The following BECN1 variants were observed in gnomAD, a reference collection of about 807,000 sequenced individuals.
BECN1 encodes the protein beclin 1.
A neutral mutation model predicts 60.1 loss-of-function variants in BECN1; 15 were observed. The observed-to-expected ratio is 0.25, with a 90% CI of 0.17 to 0.38. The LOEUF (loss-of-function observed/expected upper bound fraction) is 0.38. BECN1 is among the 10% of genes least tolerant of loss of function. The pLI, the probability that BECN1 is intolerant of heterozygous loss-of-function variation, is 1.00. For synonymous variants in BECN1, 179 were observed against 201.8 expected (o/e 0.89, Z 0.96); for missense variants, 424 against 548.2 (o/e 0.77, Z 2.26).
In BECN1 at chr17:42,814,689, G is replaced by A. The variant is rs1319062978; in HGVS notation, c.831-16C>T. 1 of 1,613,842 alleles carries A rather than the reference G, an allele frequency of 6.2e-7. No homozygotes were observed. The highest frequency in any genetic ancestry group is 1.3e-5 in the African/African-American group (1 of 75,042). ...TCCACTGTGCCTACAGAGGAAGGCA[G>A]AAAGGTGGGGGGAAATACAGGGATT... On this transcript the variant is annotated splice_polypyrimidine_tract_variant and intron_variant, in intron 8 of 11. Coordinates refer to ENST00000590099, the MANE Select transcript of BECN1 (RefSeq NM_001313998.2).
chr17:42,821,088 T>C (rs2055254569), intron 2 of BECN1, among the ~76,000 whole-genome samples: 1 of 152,102 alleles, frequency 6.6e-6, no homozygotes, highest in South Asian at 2.1e-4. Flanking sequence ...TAAGATGGAG[T>C]CTTGCTCTGT....
chr17:42,822,389 A>C (rs1032628619), intron 2 of BECN1, among the ~76,000 whole-genome samples: 2 of 152,190 alleles, frequency 1.3e-5, no homozygotes, highest in African/African-American at 4.8e-5. Flanking sequence ...TCAGAAACCA[A>C]GGCTTGGAGA....
chr17:42,814,169 T>G (rs1387479074), intron 9 of BECN1, 161 bp from the exon 10 acceptor site: 4 of 555,108 alleles, frequency 7.2e-6, no homozygotes, highest in Non-Finnish European at 1.3e-5. Context: ...TTTAAAAGAT[T>G]TTGTTTAATG....
chr17:42,819,384 T>C, intron 4 of BECN1, 164 bp downstream of exon 4: 1 of 667,480 alleles, frequency 1.5e-6, no homozygotes, highest in Admixed American at 3.2e-5. Flanking sequence ...AAATCCATAC[T>C]GGAAGGTGAC....
Position 42,811,650 on chromosome 17 carries a change from C to T in BECN1, c.1184+5G>A. The T allele has an allele frequency of 1.2e-6, 2 of 1,613,420 alleles. No individual in the cohort carries two copies. Among genetic ancestry groups the T allele is most frequent in the Non-Finnish European group, 1.7e-6 (2 of 1,179,670 alleles). The stretch of plus-strand genomic sequence containing the variant: ...CAAGTTCACTCAGCATTGCGCTATA[C>T]TGACCTGTAGGGAAGACAAAAACGT... On this transcript the variant is annotated splice_donor_5th_base_variant and intron_variant, in intron 11 of 11. Transcript: ENST00000590099.
intron 7 of BECN1, among the ~76,000 whole-genome samples, chr17:42,817,481 G>C (rs1174663981): frequency 1.3e-5 from 2 of 152,074 alleles, no homozygotes; most frequent in Non-Finnish European, 2.9e-5. Context: ...CACAACTTCA[G>C]TTAGTATGGA....
intron 3 of BECN1, 159 bp downstream of exon 3, chr17:42,820,615 T>G (rs766000682): frequency 1.6e-6 from 1 of 638,158 alleles, no homozygotes; most frequent in Non-Finnish European, 2.8e-6. Flanking sequence ...AGCCTGATCA[T>G]GTAGAATGTC....
intron 10 of BECN1, chr17:42,812,737 T>A (rs1489236670): frequency 1.5e-5 from 2 of 134,040 alleles, no homozygotes; most frequent in Non-Finnish European, 3.2e-5. Flanking sequence ...AATAAATAAA[T>A]AAAAATAATA....
In BECN1 at chr17:42,810,891, C is replaced by G. The variant is rs756848360; in HGVS notation, c.1222G>C (p.Gly408Arg). ...TTGATGGAATAGGAGCCGCCACTGCCTCCTGTGTCTTCAATCTTGCCTTTC... is the reference window on the plus strand; with the variant it reads ...TTGATGGAATAGGAGCCGCCACTGCGTCCTGTGTCTTCAATCTTGCCTTTC... ...VEKGKIEDTG[G>R]SGGSYSIKTQ... Residue 408 changes from glycine (G) to arginine (R), a missense_variant, in exon 12 of 12, where the codon GGC becomes CGC. Physicochemically the swap from Gly to Arg is moderately radical, Grantham distance 125 (BLOSUM62 -2). Transcript: ENST00000590099. 6.2e-7 allele frequency: 1 copy of G among 1,612,214 alleles called. No homozygotes were observed. The highest frequency in any genetic ancestry group is 8.5e-7 in the Non-Finnish European group (1 of 1,179,242).
intron 2 of BECN1, among the ~76,000 whole-genome samples, chr17:42,821,224 T>A (rs1463961934): frequency 6.6e-6 from 1 of 152,138 alleles, no homozygotes; most frequent in African/African-American, 2.4e-5. Context: ...CATGCCCAGC[T>A]AATTTTTTTG....
chr17:42,823,718 G>C, intron 2 of BECN1, 30 bp downstream of exon 2: 4 of 1,607,948 alleles, frequency 2.5e-6, no homozygotes, highest in Non-Finnish European at 3.4e-6. Flanking sequence ...CCACATTCTT[G>C]ACCACCCTCT....
intron 3 of BECN1, among the ~76,000 whole-genome samples, chr17:42,819,991 A>G (rs190978583): frequency 3.3e-5 from 5 of 152,348 alleles, no homozygotes; most frequent in African/African-American, 1.2e-4. Flanking sequence ...TACAAAGTAG[A>G]AAATTTATAT....
At chr17:42,819,318 A>C in intron 4 of BECN1, 1 of 515,504 alleles carries the variant, frequency 1.9e-6, no homozygotes, top group Non-Finnish European at 3.4e-6. Flanking sequence ...AATTTTTTTC[A>C]ATACTTCATC....
At position 42,811,765 on chromosome 17, in the gene BECN1, C is replaced by T; in HGVS notation, c.1074G>A (p.Arg358=). The change falls in exon 11 of 12, where the codon CGG becomes CGA. Residue 358 remains arginine, a synonymous_variant. Transcript: ENST00000590099. ...GGTCAAACTTGTTGTCCCAGAAAAACCGCAACCCCCCAGAACAGTATAACG... is the reference window on the plus strand; with the variant it reads ...GGTCAAACTTGTTGTCCCAGAAAAATCGCAACCCCCCAGAACAGTATAACG... The part of the protein sequence containing the change: ...ELPLYCSGGL[R]FFWDNKFDHA... The T allele has an allele frequency of 6.2e-7, 1 of 1,614,138 alleles. No homozygotes were observed. The highest frequency in any genetic ancestry group is 8.5e-7 in the Non-Finnish European group (1 of 1,180,020).
rs1248692409 is a variant in BECN1, at chr17:42,819,534, G to A, written c.260+14C>T. On this transcript the variant is annotated intron_variant, in intron 4 of 11. Transcript: ENST00000590099. ...GCCTTTGGCAAGGAATGGGGGCTGAGAAGTAGTAGGCACCTGGCTGGGGGG... is the reference window on the plus strand; with the variant it reads ...GCCTTTGGCAAGGAATGGGGGCTGAAAAGTAGTAGGCACCTGGCTGGGGGG... 3.7e-6 allele frequency: 6 copies of A among 1,613,094 alleles called. No homozygotes were observed. In the East Asian group the frequency reaches 1.3e-4, roughly 36 times the overall value.
At chr17:42,815,849 G>C (rs140165459) in intron 8 of BECN1, 59 bp downstream of exon 8, 70 of 1,609,560 alleles carry the variant, frequency 4.3e-5, no homozygotes, top group Non-Finnish European at 5.9e-5. Context: ...CCCAGGCTTA[G>C]TGGTCAACAG....
At position 42,814,008 on chromosome 17, in the gene BECN1, T is replaced by C. The variant is rs1247454131; in HGVS notation, c.981A>G (p.Arg327=). The C allele has an allele frequency of 1.3e-6, 2 of 1,597,340 alleles. No individual in the cohort carries two copies. Among genetic ancestry groups the C allele is most frequent in the East Asian group, 2.2e-5 (1 of 44,622 alleles). ...LANKMGLKFQ[R]YRLVPYGNHS... is the part of the protein sequence containing the mutation. ...GGTTTCCGTAAGGAACAAGTCGGTA[T>C]CTAAAATAGAGATACAAACAGAGAT... Residue 327 remains arginine (R), a splice_region_variant and synonymous_variant, in exon 10 of 12, where the codon AGA becomes AGG. Transcript: ENST00000590099.
In BECN1 at chr17:42,818,573, G is replaced by A. The variant is rs111283520; in HGVS notation, c.459C>T (p.Asn153=). The A allele has an allele frequency of 6.6e-5, 106 of 1,614,042 alleles. 1 individual carries two copies. In the Admixed American group the frequency reaches 7.0e-4, roughly 11 times the overall value. Residue 153 remains asparagine (N), a synonymous_variant, in exon 6 of 12, where the codon AAC becomes AAT. Coordinates refer to ENST00000590099, the MANE Select transcript of BECN1 (RefSeq NM_001313998.2). ...TLLDQLDTQL[N]VTENECQNYK... Reference sequence around the variant, plus strand: ...AGTTCTGACACTCATTTTCAGTGACGTTGAGCTGAGTGTCCAGCTGGTCTA... The same window carrying A: ...AGTTCTGACACTCATTTTCAGTGACATTGAGCTGAGTGTCCAGCTGGTCTA...
chr17:42,824,255 G>C lies in BECN1; in HGVS notation c.-103C>G. The C allele has an allele frequency of 2.5e-6, 1 of 400,510 alleles. No homozygotes were observed. Among genetic ancestry groups the C allele is most frequent in the Non-Finnish European group, 4.4e-6 (1 of 226,450 alleles). 24.8% of individuals were successfully genotyped at this position (400,510 alleles called of 1,614,324 possible). A position where few individuals can be genotyped will look rare whatever the true frequency, so the allele number is the denominator to read the frequency against. On this transcript the variant is annotated 5_prime_UTR_variant, in exon 1 of 12. Transcript: ENST00000590099. ...AGGCCTCCAGAACTACCATCGCTCTGTCTTCAGCGACTTCCCGGTAGCCGC... is the reference window on the plus strand; with the variant it reads ...AGGCCTCCAGAACTACCATCGCTCTCTCTTCAGCGACTTCCCGGTAGCCGC...
Sources: allele counts gnomAD v4.1 joint callset (sites outside exome capture counted in the v4.1 genomes callset), GRCh38; gene constraint gnomAD v4.1.1; transcripts MANE v1.5; gene names NCBI Gene and HGNC (gene_info 2026-07-23, HGNC 2026-07-21).